The following OR3A2 variants were observed in gnomAD, a reference collection of about 807,000 sequenced individuals.
OR3A2 encodes olfactory receptor 3A2.
For synonymous variants in OR3A2, 126 were observed against 159.3 expected (o/e 0.79, Z 1.57); for missense variants, 318 against 392.8 (o/e 0.81, Z 1.61).
chr17:3,329,390 C>T (rs1431970720), intron 3 of OR3A2, among the ~76,000 whole-genome samples: 2 of 150,762 alleles, frequency 1.3e-5, no homozygotes, highest in South Asian at 4.3e-4. Flanking sequence ...AATTTCAGCT[C>T]CCGTTATTGG....
intron 3 of OR3A2, among the ~76,000 whole-genome samples, chr17:3,312,582 A>G (rs28617471): frequency 0.15 from 22,928 of 152,054 alleles, 2,270 homozygotes; most frequent in African/African-American, 0.28. Context: ...ATAAGAATGT[A>G]TCACTGTATG....
chr17:3,287,552 C>T (rs231676), upstream of OR3A2, among the ~76,000 whole-genome samples: 76,304 of 152,114 alleles, frequency 0.5, 20,792 homozygotes, highest in East Asian at 0.93. Context: ...ACATCTAGTT[C>T]ATTTCAGAGT....
At chr17:3,373,718 G>A (rs1280228982) in intron 2 of OR3A2, among the ~76,000 whole-genome samples, 2 of 152,098 alleles carry the variant, frequency 1.3e-5, no homozygotes. Flanking sequence ...GAAGACAGAA[G>A]ATACTTTTTT....
upstream of OR3A2, among the ~76,000 whole-genome samples, chr17:3,285,737 G>C (rs1441445018): frequency 6.6e-6 from 1 of 152,150 alleles, no homozygotes; most frequent in Admixed American, 6.5e-5. Flanking sequence ...GCAGTGAGCC[G>C]TGATCGCACC....
chr17:3,331,214 A>G lies in OR3A2; in HGVS notation c.-85+4819T>C, dbSNP rs560119229. Among the ~76,000 whole-genome samples, 12 of 151,846 alleles carry G rather than the reference A, an allele frequency of 7.9e-5. No homozygotes were observed. In the South Asian group the frequency reaches 2.3e-3, roughly 29 times the overall value. On this transcript the variant is annotated intron_variant, in intron 3 of 4. Transcript: ENST00000573491. ...TGTCTTGGAGTTGCTCTTCTCAAGG[A>G]GTAACTTTGTGGCGTTCTCTGTATT...
At chr17:3,332,449 G>T (rs1185753358) in intron 3 of OR3A2, among the ~76,000 whole-genome samples, 1 of 152,344 alleles carries the variant, frequency 6.6e-6, no homozygotes, top group East Asian at 1.9e-4. Flanking sequence ...ATTCGGGTGG[G>T]AGTGACCTGA....
At chr17:3,326,777 C>T (rs1229482197) in intron 3 of OR3A2, among the ~76,000 whole-genome samples, 2 of 139,020 alleles carry the variant, frequency 1.4e-5, no homozygotes, top group African/African-American at 5.5e-5. Flanking sequence ...TTGTTCAATT[C>T]CCACCTATGA....
rs145065790 is a variant in OR3A2 at position 3,360,849 on chromosome 17, C to T, written c.-179+22955G>A. Among the ~76,000 whole-genome samples, 92 of 151,752 alleles carry T rather than the reference C, an allele frequency of 6.1e-4. 2 individuals are homozygous for T. The highest frequency in any genetic ancestry group is 2.1e-3 in the African/African-American group (86 of 41,080). On this transcript the variant is annotated intron_variant, in intron 2 of 4. Transcript: ENST00000573491. ...TGTAGTATAGTTTGAAGTCAGATAG[C>T]GTGATGCCTCCAGCTTTGTTCTTTT...
chr17:3,291,783 G>T, intron 3 of OR3A2: 1 of 1,613,762 alleles, frequency 6.2e-7, no homozygotes, highest in South Asian at 1.1e-5. Context: ...AAGCTTGGTT[G>T]AACCCAGTCG....
Position 3,330,144 on chromosome 17 carries a change from T to C in OR3A2, c.-85+5889A>G, listed in dbSNP as rs543357884. On this transcript the variant is annotated intron_variant, in intron 3 of 4. Transcript: ENST00000573491. ...GCTTTACTTCCAAGTATGTGGTCAA[T>C]TTTGGAATAGGTGTGGTGTGGTGCT... 6.7e-5 allele frequency among the ~76,000 whole-genome samples: 10 copies of C among 149,802 alleles called. No homozygotes were observed. In the South Asian group the frequency reaches 2.1e-3, roughly 31 times the overall value.
chr17:3,370,634 A>AT (rs142431057), intron 2 of OR3A2, among the ~76,000 whole-genome samples: 38,982 of 148,270 alleles, frequency 0.26, 6,187 homozygotes, highest in East Asian at 0.52. Context: ...GTTCTTTCGG[A>AT]TTTTTTTTTT....
intron 2 of OR3A2, among the ~76,000 whole-genome samples, chr17:3,360,909 T>C (rs779750729): frequency 4.6e-5 from 7 of 151,712 alleles, no homozygotes; most frequent in Non-Finnish European, 7.3e-5. Flanking sequence ...GGGCTCCTTT[T>C]TGGCTCCATA....
rs1170588798 is a variant in OR3A2, at chr17:3,357,890, A to C, written c.-178-21764T>G. 1.3e-5 allele frequency among the ~76,000 whole-genome samples: 2 copies of C among 151,500 alleles called. 1 individual carries two copies. The highest frequency in any genetic ancestry group is 4.9e-5 in the African/African-American group (2 of 40,858). On this transcript the variant is annotated intron_variant, in intron 2 of 4. Coordinates refer to the OR3A2 transcript ENST00000573491. Reference sequence around the variant, plus strand: ...TTTTATGTTATGTATGTTTTACCACAAAAACAATTTTTTGATAAAAGCATC... The same window carrying C: ...TTTTATGTTATGTATGTTTTACCACCAAAACAATTTTTTGATAAAAGCATC...
At chr17:3,296,611 C>G (rs1055749833) in intron 3 of OR3A2, among the ~76,000 whole-genome samples, 2 of 152,046 alleles carry the variant, frequency 1.3e-5, no homozygotes, top group African/African-American at 4.8e-5. Flanking sequence ...AAAATAATCA[C>G]AATTACATTA....
chr17:3,334,707 T>C lies in OR3A2; in HGVS notation c.-85+1326A>G, dbSNP rs985221240. On this transcript the variant is annotated intron_variant, in intron 3 of 4. Coordinates refer to the OR3A2 transcript ENST00000573491. Reference sequence around the variant, plus strand: ...AATTTATAGATTGATTTCAGAAGAATTGACAGCCTTACAATATTAGATCTT... The same window carrying C: ...AATTTATAGATTGATTTCAGAAGAACTGACAGCCTTACAATATTAGATCTT... 3.9e-5 allele frequency among the ~76,000 whole-genome samples: 6 copies of C among 152,346 alleles called. No individual in the cohort carries two copies. The South Asian group carries it at 1.0e-3, about 26-fold the overall frequency.
chr17:3,374,642 T>C (rs954634982), intron 2 of OR3A2, among the ~76,000 whole-genome samples: 5 of 152,238 alleles, frequency 3.3e-5, no homozygotes, highest in Non-Finnish European at 7.3e-5. Context: ...ATTGTGATTA[T>C]CTTTTCTTTA....
intron 1 of OR3A2, among the ~76,000 whole-genome samples, chr17:3,283,523 C>G (rs1225158042): frequency 2.6e-5 from 4 of 152,182 alleles, no homozygotes; most frequent in Non-Finnish European, 5.9e-5. Context: ...CTGCGCCCGG[C>G]CGGTATCCAA....
At chr17:3,349,458 G>A (rs913806736) in intron 2 of OR3A2, among the ~76,000 whole-genome samples, 1 of 151,782 alleles carries the variant, frequency 6.6e-6, no homozygotes, top group African/African-American at 2.4e-5. Context: ...ATGGTAAAGG[G>A]ATCAATTCAA....
chr17:3,288,552 T>A (rs946417324), upstream of OR3A2, among the ~76,000 whole-genome samples: 1 of 152,210 alleles, frequency 6.6e-6, no homozygotes, highest in Admixed American at 6.5e-5. Context: ...CACATGACTG[T>A]ACATAAAAAT....
Sources: allele counts gnomAD v4.1 joint callset (sites outside exome capture counted in the v4.1 genomes callset), GRCh38; gene constraint gnomAD v4.1.1; transcripts MANE v1.5; gene names NCBI Gene and HGNC (gene_info 2026-07-23, HGNC 2026-07-21).